TECR: variants seen among roughly 807,000 people sequenced by gnomAD.
The protein encoded by TECR is trans-2,3-enoyl-CoA reductase.
In TECR, 19 loss-of-function variants were observed where a neutral mutation model predicts 50.6. The ratio of observed to expected loss-of-function variants is 0.38; its 90% CI spans 0.26 to 0.55. TECR has a LOEUF of 0.55. TECR is among the 20% of genes least tolerant of loss of function. TECR has a pLI of 0.79. For synonymous variants in TECR, 168 were observed against 163.5 expected, an observed-to-expected ratio of 1.03 and a Z score of -0.21; for missense variants, 313 against 408.3, an observed-to-expected ratio of 0.77 and a Z score of 2.01.
intron 1 of TECR, among the ~76,000 whole-genome samples, chr19:14,554,286 G>C (rs1002151991): frequency 2.0e-5 from 3 of 152,184 alleles, no homozygotes; most frequent in African/African-American, 7.2e-5. Context: ...GTTGGTCGCT[G>C]TTCTCACTCA....
chr19:14,542,103 C>T (rs114331080), intron 1 of TECR, among the ~76,000 whole-genome samples: 2,423 of 151,970 alleles, frequency 0.016, 51 homozygotes, highest in African/African-American at 0.052. Flanking sequence ...CAATGAAAGT[C>T]CCTTTTCTGT....
At chr19:14,543,722 G>A (rs535354634) in intron 1 of TECR, among the ~76,000 whole-genome samples, 272 of 150,232 alleles carry the variant, frequency 1.8e-3, no homozygotes, top group Non-Finnish European at 3.1e-3. Context: ...ACAGGCGTGA[G>A]CCACCGCGCC....
At chr19:14,546,942 G>A (rs768939089) in intron 1 of TECR, among the ~76,000 whole-genome samples, 31 of 152,272 alleles carry the variant, frequency 2.0e-4, no homozygotes, top group African/African-American at 3.6e-4. Context: ...TGATCTGCCC[G>A]CCTTGGCCTC....
chr19:14,556,050 C>T (rs1246388039), intron 1 of TECR, among the ~76,000 whole-genome samples: 3 of 152,202 alleles, frequency 2.0e-5, no homozygotes, highest in Non-Finnish European at 2.9e-5. Flanking sequence ...ATGGCTGCCA[C>T]TTCACTCAGA....
Position 14,563,092 on chromosome 19 carries a change from C to G in TECR, c.67-114C>G. Reference sequence around the variant, plus strand: ...GGCAGAGGCCTGGACCCCAGCCCTTCCCCCTTCCCATAGCTACAGCCCAAC... The same window carrying G: ...GGCAGAGGCCTGGACCCCAGCCCTTGCCCCTTCCCATAGCTACAGCCCAAC... On this transcript the variant is annotated intron_variant, in intron 2 of 12. Coordinates refer to ENST00000215567, the MANE Select transcript of TECR (RefSeq NM_138501.6). This position sits in a 1 kb window ranked among gnomAD's most constrained non-coding sequence, Gnocchi z 5.3. 3.0e-6 allele frequency: 4 copies of G among 1,327,216 alleles called. No individual in the cohort carries two copies. The highest frequency in any genetic ancestry group is 3.2e-6 in the Non-Finnish European group (3 of 941,336). The allele number at this position is 1,327,216 out of a possible 1,614,324, so 82.2% of individuals were successfully genotyped here.
Position 14,565,848 on chromosome 19 carries a change from C to T in TECR, c.904C>T (p.Pro302Ser), listed in dbSNP as rs1391581665. The T allele has an allele frequency of 1.3e-6, 2 of 1,595,894 alleles. No individual in the cohort carries two copies. Reference protein sequence around the residue: ...EFRDYPPLRMPIIPFLL With the variant: ...EFRDYPPLRMSIIPFLL ...CCGGGACTACCCGCCCCTGCGCATG[C>T]CCATCATCCCCTTCCTGCTCTGAGC... Residue 302 changes from proline to serine, a missense_variant, in exon 13 of 13, where the codon CCC becomes TCC. Pro to Ser is a moderately conservative substitution (Grantham distance 74, BLOSUM62 -1). Coordinates refer to ENST00000215567, the MANE Select transcript of TECR (RefSeq NM_138501.6).
intron 1 of TECR, among the ~76,000 whole-genome samples, chr19:14,537,871 G>C (rs902844409): frequency 1.3e-5 from 2 of 150,138 alleles, no homozygotes; most frequent in Non-Finnish European, 2.9e-5. Context: ...TTAGTCTCCC[G>C]AGTAGCTGGG....
intron 11 of TECR, 87 bp from the exon 12 acceptor site, chr19:14,565,531 G>A (rs961168764): frequency 8.4e-6 from 13 of 1,540,608 alleles, no homozygotes; most frequent in Non-Finnish European, 1.0e-5. Flanking sequence ...GAAAGCAGGG[G>A]CGGCGGGAGG....
chr19:14,544,415 G>T (rs776408531), intron 1 of TECR, among the ~76,000 whole-genome samples: 1 of 151,990 alleles, frequency 6.6e-6, no homozygotes. Flanking sequence ...AGGCTCAGCC[G>T]TTCAGCCGCA....
At chr19:14,538,928 A>G (rs1368865135) in intron 1 of TECR, among the ~76,000 whole-genome samples, 1 of 151,668 alleles carries the variant, frequency 6.6e-6, no homozygotes, top group African/African-American at 2.4e-5. Context: ...AGAAGCCCAG[A>G]TGCCAGTGCC....
Position 14,565,825 on chromosome 19 carries a change from G to T in TECR, c.881G>T (p.Arg294Leu). 3 of 1,598,776 alleles carry T rather than the reference G, an allele frequency of 1.9e-6. No homozygotes were observed. The highest frequency in any genetic ancestry group is 1.1e-5 in the South Asian group (1 of 89,502). ...CACCGCAGCTACCTGAAGGAGTTCC[G>T]GGACTACCCGCCCCTGCGCATGCCC... ...GKHRSYLKEF[R>L]DYPPLRMPII... Residue 294 changes from arginine to leucine, a missense_variant, in exon 13 of 13, where the codon CGG becomes CTG. Physicochemically the swap from Arg to Leu is moderately radical, Grantham distance 102. Coordinates refer to ENST00000215567, the MANE Select transcript of TECR (RefSeq NM_138501.6).
chr19:14,549,602 C>T (rs2073424614), intron 1 of TECR, among the ~76,000 whole-genome samples: 1 of 151,656 alleles, frequency 6.6e-6, no homozygotes, highest in East Asian at 2.0e-4. Context: ...GCTGGGATTA[C>T]AGGCATGAGC....
chr19:14,563,566 T>G lies in TECR; in HGVS notation c.119-92T>G, dbSNP rs2146632397. 4 of 1,568,462 alleles carry G rather than the reference T, an allele frequency of 2.6e-6. No homozygotes were observed. The highest frequency in any genetic ancestry group is 2.6e-6 in the Non-Finnish European group (3 of 1,146,144). ...GTGGAGTCCTGGGGTCCTTGCACCC[T>G]GGGAACCCTGAGAAGCTGGCACAGT... On this transcript the variant is annotated intron_variant, in intron 3 of 12. Transcript: ENST00000215567. The surrounding 1 kb of genome is among the most constrained non-coding windows in gnomAD (Gnocchi z 5.3).
chr19:14,545,124 A>G (rs894166987), intron 1 of TECR: 2 of 456,538 alleles, frequency 4.4e-6, no homozygotes, highest in Non-Finnish European at 8.8e-6. Context: ...CAGAGAGATG[A>G]TTCTTCAAGA....
Position 14,563,886 on chromosome 19 carries a change from C to A in TECR, c.250C>A (p.Gln84Lys). 6.2e-7 allele frequency: 1 copy of A among 1,614,042 alleles called. No homozygotes were observed. Among genetic ancestry groups the A allele is most frequent in the Non-Finnish European group, 8.5e-7 (1 of 1,179,948 alleles). ...ACTGTACTTCCGGGACCTGGGGGCC[C>A]AGATCAGCTGGGTGACGGTGAGTCC... ...ATLYFRDLGA[Q>K]ISWVTVFLTE... The change falls in exon 5 of 13, where the codon CAG becomes AAG. Residue 84 changes from glutamine to lysine, a missense_variant. By Grantham distance (53) the Gln-to-Lys change is moderately conservative (BLOSUM62 1). Transcript: ENST00000215567. The surrounding 1 kb of genome is among the most constrained non-coding windows in gnomAD (Gnocchi z 5.3).
intron 1 of TECR, among the ~76,000 whole-genome samples, chr19:14,535,756 CA>C (rs1161257175): frequency 0.06 from 3,088 of 51,860 alleles, 38 homozygotes; most frequent in Middle Eastern, 0.1. Context: ...GACTCTGTCT[CA>C]AAAAAAAAAA....
intron 2 of TECR, 104 bp downstream of exon 2, chr19:14,562,679 C>A: frequency 7.5e-7 from 1 of 1,331,192 alleles, no homozygotes; most frequent in Non-Finnish European, 1.1e-6. Context: ...GCCCCACCCC[C>A]TGCCCTATGG....
chr19:14,563,477 G>T lies in TECR; in HGVS notation c.119-181G>T. 1 of 862,308 alleles carries T rather than the reference G, an allele frequency of 1.2e-6. No individual in the cohort carries two copies. The allele number at this position is 862,308 out of a possible 1,614,324, so 53.4% of individuals were successfully genotyped here. ...AGGACAAGATCCTGCTTCTGCCCGC[G>T]CTCTTCTGGCTTGTGTCCTGAAACC... On this transcript the variant is annotated intron_variant, in intron 3 of 12. Transcript: ENST00000215567. The surrounding 1 kb of genome is among the most constrained non-coding windows in gnomAD (Gnocchi z 5.3).
chr19:14,565,119 C>G lies in TECR; in HGVS notation c.660C>G (p.Pro220=). 6.2e-7 allele frequency: 1 copy of G among 1,613,804 alleles called. No homozygotes were observed. Among genetic ancestry groups the G allele is most frequent in the South Asian group, 1.1e-5 (1 of 91,086 alleles). Reference sequence around the variant, plus strand: ...ACATGGCCCTGCGGGACCTGCGGCCCGCTGGTGAGTGCCTGCTGGGGGCAG... The same window carrying G: ...ACATGGCCCTGCGGGACCTGCGGCCGGCTGGTGAGTGCCTGCTGGGGGCAG... ...SIHMALRDLR[P]AGSKTRKIPY... is the part of the protein sequence containing the mutation. The change falls in exon 10 of 13, where the codon CCC becomes CCG. Residue 220 remains proline (P), a synonymous_variant. Coordinates refer to ENST00000215567, the MANE Select transcript of TECR (RefSeq NM_138501.6).
Sources: gnomAD v4.1 joint callset for allele counts (sites outside exome capture counted in the v4.1 genomes callset) on GRCh38, gnomAD v4.1.1 for gene constraint, Gnocchi (gnomAD v3.1) non-coding constraint, MANE v1.5 for transcripts, NCBI Gene and HGNC (gene_info 2026-07-23, HGNC 2026-07-21) for gene names.